The following ZC3H12B variants were observed in gnomAD, a reference collection of about 807,000 sequenced individuals.
ZC3H12B encodes the protein probable ribonuclease ZC3H12B.
ZC3H12B carries 7 observed loss-of-function variants against 43.9 expected under a neutral mutation model. The ratio of observed to expected loss-of-function variants is 0.16; its 90% CI spans 0.09 to 0.30. ZC3H12B has a LOEUF of 0.30. ZC3H12B is among the 10% of genes least tolerant of loss of function. The probability of loss-of-function intolerance (pLI) is 1.00; values close to 1 mark genes in which losing one functional copy is unlikely to be tolerated. For missense variants in ZC3H12B, 475 were observed against 670.2 expected (o/e 0.71, Z 3.22); for synonymous variants, 222 against 241.7 (o/e 0.92, Z 0.76).
chrX:65,119,706 C>T, the ZC3H12B span, among the ~76,000 whole-genome samples: 1 of 111,777 alleles, frequency 8.9e-6, no homozygotes, highest in Non-Finnish European at 1.9e-5. Flanking sequence ...GTGTTTTAGA[C>T]ATGAAGTCCT....
chrX:65,202,608 C>T, the ZC3H12B span, among the ~76,000 whole-genome samples: 1 of 111,108 alleles, frequency 9.0e-6, no homozygotes, highest in Non-Finnish European at 1.9e-5. Flanking sequence ...GAGTCTACGT[C>T]TTTGTTCTGA....
chrX:65,253,047 A>G, the ZC3H12B span, among the ~76,000 whole-genome samples: 5 of 112,314 alleles, frequency 4.5e-5, no homozygotes, highest in Non-Finnish European at 9.4e-5. Flanking sequence ...AGTATTTATT[A>G]TAGCCAATTT....
the ZC3H12B span, among the ~76,000 whole-genome samples, chrX:65,086,252 C>T: frequency 9.0e-6 from 1 of 111,264 alleles, no homozygotes. Context: ...ATTCTAAAGC[C>T]AGTCCTATAT....
the ZC3H12B span, among the ~76,000 whole-genome samples, chrX:65,085,908 A>AT: frequency 9.0e-6 from 1 of 111,668 alleles, no homozygotes; most frequent in South Asian, 3.8e-4. Context: ...TTTAATACAT[A>AT]TTTCCCACAA....
upstream of ZC3H12B, among the ~76,000 whole-genome samples, chrX:65,361,659 C>A (rs988350007): frequency 9.1e-6 from 1 of 110,388 alleles, no homozygotes; most frequent in African/African-American, 3.3e-5. Flanking sequence ...TTGGCAACAA[C>A]CCTTAGACAC....
the ZC3H12B span, among the ~76,000 whole-genome samples, chrX:65,254,317 G>A: frequency 1.8e-5 from 2 of 112,449 alleles, no homozygotes; most frequent in East Asian, 2.8e-4. Flanking sequence ...CACTGTTGTG[G>A]CCAGTGGTCT....
intron 3 of ZC3H12B, among the ~76,000 whole-genome samples, chrX:65,456,896 G>A (rs1326886032): frequency 9.2e-6 from 1 of 108,490 alleles, no homozygotes; most frequent in Non-Finnish European, 1.9e-5. Flanking sequence ...TCTCTGCCTG[G>A]CCGCCCATCG....
At chrX:65,279,327 A>G in the ZC3H12B span, among the ~76,000 whole-genome samples, 3 of 106,280 alleles carry the variant, frequency 2.8e-5, no homozygotes, top group Non-Finnish European at 5.8e-5. Flanking sequence ...CTTTTTAACA[A>G]TAGCCATTCT....
exon 5 of ZC3H12B, chrX:65,501,907 T>C (rs2068371755): frequency 3.3e-6 from 4 of 1,208,259 alleles, no homozygotes; most frequent in African/African-American, 1.8e-5. Flanking sequence ...CAGTGAAAAC[T>C]ATGAGTGAAG....
the ZC3H12B span, among the ~76,000 whole-genome samples, chrX:65,050,681 T>C: frequency 2.7e-5 from 3 of 111,788 alleles, no homozygotes; most frequent in East Asian, 8.4e-4. Flanking sequence ...GAGATGACCA[T>C]GGAATTTTTA....
chrX:65,394,940 G>T (rs6653214), intron 2 of ZC3H12B, among the ~76,000 whole-genome samples: 26,241 of 110,060 alleles, frequency 0.24, 7,542 homozygotes, highest in African/African-American at 0.82. Flanking sequence ...GCTGTTAAGT[G>T]GTATTTCTAG....
At chrX:65,117,918 T>A in the ZC3H12B span, among the ~76,000 whole-genome samples, 2 of 110,990 alleles carry the variant, frequency 1.8e-5, no homozygotes, top group East Asian at 5.7e-4. Context: ...TCCATTGGTT[T>A]ATATCTTTGT....
the ZC3H12B span, among the ~76,000 whole-genome samples, chrX:65,101,979 TC>T: frequency 1.8e-5 from 2 of 111,921 alleles, no homozygotes; most frequent in African/African-American, 6.5e-5. Flanking sequence ...GAGGCAAATA[TC>T]TTCAATAAAA....
the ZC3H12B span, among the ~76,000 whole-genome samples, chrX:65,202,063 AATATATATATTACATATAATATATGTAAT>A: frequency 1.1e-5 from 1 of 87,925 alleles, no homozygotes; most frequent in African/African-American, 4.2e-5. Flanking sequence ...TATTATATGT[AATATATATATTACATATAATATATGTAAT>A]ATATATATTT....
the ZC3H12B span, among the ~76,000 whole-genome samples, chrX:65,302,929 G>A: frequency 2.7e-5 from 3 of 111,394 alleles, no homozygotes; most frequent in East Asian, 2.8e-4. Context: ...TAAATAAATG[G>A]TACTTGAATA....
rs140120657 is a variant in ZC3H12B, at chrX:65,400,297, C to A, written n.407+1593C>A. ...GCTGGCTATGAGAAACTGGCTTATG[C>A]ATAGACAACTCAGAGAATTTTAGAA... On this transcript the variant is annotated intron_variant and non_coding_transcript_variant, in intron 3 of 5. Coordinates refer to the ZC3H12B transcript ENST00000617377. Among the ~76,000 whole-genome samples, 141 of 111,119 alleles carry A rather than the reference C, an allele frequency of 1.3e-3. 2 individuals are homozygous for A. The East Asian group carries it at 0.032, about 25-fold the overall frequency.
At chrX:65,380,722 G>T (rs1161977078) in intron 2 of ZC3H12B, among the ~76,000 whole-genome samples, 1 of 111,707 alleles carries the variant, frequency 9.0e-6, no homozygotes, top group African/African-American at 3.3e-5. Flanking sequence ...CATCTCACGG[G>T]CAGAGACACA....
At chrX:65,320,886 C>CA in the ZC3H12B span, among the ~76,000 whole-genome samples, 1 of 111,823 alleles carries the variant, frequency 8.9e-6, no homozygotes, top group African/African-American at 3.2e-5. Flanking sequence ...ACATCATATA[C>CA]AAAAATAAAC....
chrX:65,059,649 C>T, the ZC3H12B span, among the ~76,000 whole-genome samples: 2 of 111,310 alleles, frequency 1.8e-5, no homozygotes, highest in Non-Finnish European at 3.8e-5. Context: ...AATTTGAAGT[C>T]AGGTAATGTG....
Sources: gnomAD v4.1 joint callset for allele counts (sites outside exome capture counted in the v4.1 genomes callset) on GRCh38, gnomAD v4.1.1 for gene constraint, MANE v1.5 for transcripts, NCBI Gene and HGNC (gene_info 2026-07-23, HGNC 2026-07-21) for gene names.